Variants in CHL1 observed in about 807,000 individuals in gnomAD.
The protein encoded by CHL1 is neural cell adhesion molecule L1-like protein.
In CHL1, 96 loss-of-function variants were observed where a neutral mutation model predicts 141.9. The ratio of observed to expected loss-of-function variants is 0.68; its 90% confidence interval spans 0.57 to 0.80. The LOEUF (loss-of-function observed/expected upper bound fraction) is 0.80. Ranked by LOEUF, CHL1 falls within the 30% of genes least tolerant of loss-of-function variation. The pLI, the probability that CHL1 is intolerant of heterozygous loss-of-function variation, is 0.00. For missense variants in CHL1, 1,820 were observed against 1,457.2 expected (o/e 1.25, Z -4.05); for synonymous variants, 613 against 502.2 (o/e 1.22, Z -2.95).
intron 2 of CHL1, among the ~76,000 whole-genome samples, chr3:290,758 A>AG (rs1697613210): frequency 6.6e-6 from 1 of 152,078 alleles, no homozygotes; most frequent in Non-Finnish European, 1.5e-5. Flanking sequence ...TTGGAGCTGT[A>AG]ATCACACACA....
chr3:225,321 T>A (rs940228748), intron 1 of CHL1, among the ~76,000 whole-genome samples: 1 of 152,202 alleles, frequency 6.6e-6, no homozygotes. Flanking sequence ...TACCTCAGTA[T>A]GTAGATGATT....
At chr3:326,456 G>A (rs62227238) in intron 4 of CHL1, among the ~76,000 whole-genome samples, 8,599 of 151,640 alleles carry the variant, frequency 0.057, 312 homozygotes, top group South Asian at 0.12. Flanking sequence ...ATAATTGTGC[G>A]TCTTTAAATT....
At chr3:369,582 C>A (rs188549389) in intron 15 of CHL1, among the ~76,000 whole-genome samples, 187 of 152,212 alleles carry the variant, frequency 1.2e-3, no homozygotes, top group Non-Finnish European at 9.4e-4. Flanking sequence ...ATATGAATAC[C>A]CTTTATTTTT....
chr3:242,838 C>T (rs191851029), intron 1 of CHL1, among the ~76,000 whole-genome samples: 1 of 152,210 alleles, frequency 6.6e-6, no homozygotes, highest in African/African-American at 2.4e-5. Flanking sequence ...TAAGTTTGAT[C>T]ATAGCTACAG....
rs58927390 is a variant in CHL1 at position 320,373 on chromosome 3, G to A, written c.91+506G>A. Among the ~76,000 whole-genome samples the A allele has an allele frequency of 8.0e-3, 1,222 of 151,932 alleles. 18 individuals are homozygous for A. The highest frequency in any genetic ancestry group is 0.028 in the African/African-American group (1,154 of 41,452). ...GATGATATGAACTCTCAAAATTTAC[G>A]GCATTATATAGTGTGAATTCATATT... On this transcript the variant is annotated intron_variant, in intron 3 of 27. Coordinates refer to ENST00000256509, the MANE Select transcript of CHL1 (RefSeq NM_006614.4).
chr3:363,422 A>T (rs373254077), intron 14 of CHL1, 39 bp downstream of exon 14: 10 of 1,558,018 alleles, frequency 6.4e-6, no homozygotes, highest in East Asian at 2.2e-5. Context: ...GAATTGTCAC[A>T]TGGGTTCAGT....
At position 391,261 on chromosome 3, in the gene CHL1, A is replaced by G. The variant is rs1003511561; in HGVS notation, c.2791+102A>G. On this transcript the variant is annotated intron_variant, in intron 22 of 27. Coordinates refer to ENST00000256509, the MANE Select transcript of CHL1 (RefSeq NM_006614.4). ...CAGGCACAGTGGCTCATGCCTGTAA[A>G]TCCCAGCACTTTGGGAGGCCAAGGC... The G allele has an allele frequency of 8.6e-6, 8 of 935,306 alleles. No individual in the cohort carries two copies. In the Admixed American group the frequency reaches 1.7e-4, roughly 20 times the overall value. 57.9% of individuals were successfully genotyped at this position (935,306 alleles called of 1,614,324 possible). A position where few individuals can be genotyped will look rare whatever the true frequency, so the allele number is the denominator to read the frequency against.
chr3:238,770 CAAA>C (rs145162673), intron 1 of CHL1, among the ~76,000 whole-genome samples: 114 of 145,432 alleles, frequency 7.8e-4, no homozygotes, highest in Admixed American at 1.5e-3. Context: ...ACTAAAAATA[CAAA>C]AAAAAAAAAA....
chr3:350,322 G>C (rs1180377661), intron 10 of CHL1, among the ~76,000 whole-genome samples: 4 of 152,102 alleles, frequency 2.6e-5, no homozygotes, highest in African/African-American at 4.8e-5. Flanking sequence ...AGTTTGTCTA[G>C]TCCTCTGAAT....
chr3:346,225 G>T (rs1229372709), intron 9 of CHL1, among the ~76,000 whole-genome samples: 1 of 152,158 alleles, frequency 6.6e-6, no homozygotes, highest in East Asian at 1.9e-4. Flanking sequence ...TATCAAAGTT[G>T]CTTGTCTGTC....
chr3:268,561 A>G (rs1442042120), intron 2 of CHL1, among the ~76,000 whole-genome samples: 5 of 150,732 alleles, frequency 3.3e-5, no homozygotes, highest in African/African-American at 7.5e-5. Flanking sequence ...GTAAAATAAA[A>G]TAAAATAAAA....
rs777102680 is a variant in CHL1, at chr3:366,119, G to C, written c.1751+4G>C. ...TTAATGGCACAGAAGATGGCAGGTA[G>C]GTAAACTATTATGATATGTCATAAT... On this transcript the variant is annotated splice_donor_region_variant and intron_variant, in intron 15 of 27. Coordinates refer to ENST00000256509, the MANE Select transcript of CHL1 (RefSeq NM_006614.4). 9.9e-6 allele frequency: 16 copies of C among 1,611,962 alleles called. No individual in the cohort carries two copies. Among genetic ancestry groups the C allele is most frequent in the African/African-American group, 2.7e-5 (2 of 74,742 alleles).
chr3:342,078 C>T lies in CHL1; in HGVS notation c.675C>T (p.Asn225=). 6.2e-7 allele frequency: 1 copy of T among 1,607,770 alleles called. No homozygotes were observed. The highest frequency in any genetic ancestry group is 8.5e-7 in the Non-Finnish European group (1 of 1,175,074). ...AAATGCCAATGAAACTAACAGTTAA[C>T]AGTTGTAAGTCCACATAATTTATCG... is the stretch of plus-strand genomic sequence containing the variant. ...VQKMPMKLTV[N]SLKHANDSSS... is the part of the protein sequence containing the mutation. The change falls in exon 7 of 28, where the codon AAC becomes AAT. Residue 225 remains asparagine, a synonymous_variant. Transcript: ENST00000256509.
intron 5 of CHL1, 109 bp downstream of exon 5, chr3:328,463 T>C (rs1701180460): frequency 5.7e-6 from 5 of 879,384 alleles, no homozygotes; most frequent in Non-Finnish European, 8.4e-6. Context: ...AATCAACTTA[T>C]ATGTGTCTTG....
At chr3:357,178 T>G (rs74532681) in intron 11 of CHL1, among the ~76,000 whole-genome samples, 1,675 of 152,272 alleles carry the variant, frequency 0.011, 23 homozygotes, top group African/African-American at 0.039. Flanking sequence ...GAATCCAAGC[T>G]CGGTGTTCTG....
At chr3:335,469 A>T (rs1701788808) in intron 5 of CHL1, among the ~76,000 whole-genome samples, 1 of 152,186 alleles carries the variant, frequency 6.6e-6, no homozygotes, top group Admixed American at 6.5e-5. Flanking sequence ...CTCTTTACCA[A>T]AGGAAACCGG....
intron 2 of CHL1, among the ~76,000 whole-genome samples, chr3:299,559 C>G (rs1278652959): frequency 1.3e-5 from 2 of 152,166 alleles, no homozygotes; most frequent in African/African-American, 4.8e-5. Context: ...ATATTAGGTA[C>G]ACATTTTTAA....
At chr3:323,770 C>T (rs1467184777) in intron 3 of CHL1, among the ~76,000 whole-genome samples, 3 of 151,994 alleles carry the variant, frequency 2.0e-5, no homozygotes, top group Admixed American at 6.6e-5. Flanking sequence ...AAGGCTGAGG[C>T]GGGAGGATTA....
chr3:362,740 T>C (rs1224446811), intron 13 of CHL1, among the ~76,000 whole-genome samples: 1 of 152,182 alleles, frequency 6.6e-6, no homozygotes, highest in Non-Finnish European at 1.5e-5. Flanking sequence ...CTGGGGTTGA[T>C]AGGGTAAATG....
Sources: gnomAD v4.1 joint callset for allele counts (sites outside exome capture counted in the v4.1 genomes callset) on GRCh38, gnomAD v4.1.1 for gene constraint, MANE v1.5 for transcripts, NCBI Gene and HGNC (gene_info 2026-07-23, HGNC 2026-07-21) for gene names.